The following UTP20 variants were observed in gnomAD, a reference collection of about 807,000 sequenced individuals.
UTP20 encodes the protein small subunit processome component 20 homolog.
UTP20 carries 164 observed loss-of-function variants against 329.5 expected under a neutral mutation model. The observed-to-expected ratio is 0.50, with a 90% CI of 0.44 to 0.57. The LOEUF (loss-of-function observed/expected upper bound fraction) is 0.57. Ranked by LOEUF, UTP20 falls within the 20% of genes least tolerant of loss-of-function variation. UTP20 has a pLI of 0.00. For missense variants in UTP20, 3,055 were observed against 3,284.2 expected (o/e 0.93, Z 1.71); for synonymous variants, 1,151 against 1,159.3 (o/e 0.99, Z 0.14).
chr12:101,295,583 A>G lies in UTP20; in HGVS notation c.1355A>G (p.Asn452Ser). The part of the protein sequence containing the change: ...ALAILAKLIL[N>S]KAAPPTAGSM... The stretch of plus-strand genomic sequence containing the variant: ...GCCATTCTGGCCAAGCTCATTCTGA[A>G]CAAAGCAGCACCTCCCACTGCTGGC... The change falls in exon 12 of 62, where the codon AAC becomes AGC. Residue 452 changes from asparagine to serine, a missense_variant. Coordinates refer to ENST00000261637, the MANE Select transcript of UTP20 (RefSeq NM_014503.3). 6.2e-7 allele frequency: 1 copy of G among 1,613,768 alleles called. No homozygotes were observed. Among genetic ancestry groups the G allele is most frequent in the Non-Finnish European group, 8.5e-7 (1 of 1,179,906 alleles).
At chr12:101,367,740 A>G (rs1565806345) in intron 47 of UTP20, 120 bp from the exon 48 acceptor site, 10 of 676,786 alleles carry the variant, frequency 1.5e-5, no homozygotes, top group Non-Finnish European at 2.3e-5. Flanking sequence ...AAAATGTTTT[A>G]TCATTTCTAA....
At chr12:101,329,970 G>A (rs996188046) in intron 27 of UTP20, among the ~76,000 whole-genome samples, 4 of 150,728 alleles carry the variant, frequency 2.7e-5, no homozygotes, top group African/African-American at 7.3e-5. Flanking sequence ...ATTCCAGCAT[G>A]GGCAACAGAG....
intron 2 of UTP20, among the ~76,000 whole-genome samples, chr12:101,283,539 C>T (rs1871863520): frequency 6.6e-6 from 1 of 152,166 alleles, no homozygotes; most frequent in Admixed American, 6.5e-5. Flanking sequence ...CCAGAGTTAC[C>T]TTGCAAAAGG....
intron 2 of UTP20, among the ~76,000 whole-genome samples, chr12:101,282,999 A>G (rs7977358): frequency 0.13 from 19,359 of 152,184 alleles, 2,713 homozygotes; most frequent in East Asian, 0.47. Context: ...AAGGAGCACA[A>G]GGTTGTAAAG....
intron 27 of UTP20, among the ~76,000 whole-genome samples, chr12:101,332,646 G>A (rs930697178): frequency 5.3e-5 from 8 of 152,118 alleles, no homozygotes; most frequent in Non-Finnish European, 1.0e-4. Flanking sequence ...CAGACAAATC[G>A]TATTTCCTCC....
At chr12:101,340,390 C>A in intron 31 of UTP20, 133 bp from the exon 32 acceptor site, 1 of 576,418 alleles carries the variant, frequency 1.7e-6, no homozygotes, top group Non-Finnish European at 3.0e-6. Context: ...TACATGCACA[C>A]ATACTTAAAA....
chr12:101,345,556 T>C lies in UTP20; in HGVS notation c.4608T>C (p.Ser1536=), dbSNP rs1422429712. ...LRKGLKSQTE[S]IQQDYTTILS... Reference sequence around the variant, plus strand: ...TTTTCTCCACTTCATATTTACAGAGTATTCAGCAGGATTATACCACAATAC... The same window carrying C: ...TTTTCTCCACTTCATATTTACAGAGCATTCAGCAGGATTATACCACAATAC... Residue 1536 remains serine (S), a splice_region_variant and synonymous_variant, in exon 37 of 62, where the codon AGT becomes AGC. Coordinates refer to ENST00000261637, the MANE Select transcript of UTP20 (RefSeq NM_014503.3). The C allele has an allele frequency of 6.4e-7, 1 of 1,555,088 alleles. No homozygotes were observed. The highest frequency in any genetic ancestry group is 8.7e-7 in the Non-Finnish European group (1 of 1,145,180).
rs1478004891 is a variant in UTP20 at position 101,356,728 on chromosome 12, C to A, written c.5534+35C>A. ...TTAACAAATTAGAAGTTTAGTGAAA[C>A]TCAAAAATTGGTTCTTTTCTTCCTT... On this transcript the variant is annotated intron_variant, in intron 42 of 61. Transcript: ENST00000261637. 1.9e-6 allele frequency: 3 copies of A among 1,582,486 alleles called. No individual in the cohort carries two copies. The Admixed American group carries it at 5.6e-5, about 30-fold the overall frequency.
Position 101,338,856 on chromosome 12 carries a change from T to A in UTP20, c.3912T>A (p.Pro1304=). 2 of 1,612,032 alleles carry A rather than the reference T, an allele frequency of 1.2e-6. No individual in the cohort carries two copies. Among genetic ancestry groups the A allele is most frequent in the Non-Finnish European group, 1.7e-6 (2 of 1,179,424 alleles). ...GAAGATTAATTCTACCTCATGTACC[T>A]GCAATTCTTCAGTATCTCAGCAAAA... ...IGGRLILPHV[P]AILQYLSKTT... The change falls in exon 31 of 62, where the codon CCT becomes CCA. Residue 1304 remains proline (P), a synonymous_variant. Coordinates refer to ENST00000261637, the MANE Select transcript of UTP20 (RefSeq NM_014503.3).
Position 101,291,758 on chromosome 12 carries a change from T to C in UTP20, c.908T>C (p.Leu303Pro). Residue 303 changes from leucine (L) to proline (P), a missense_variant, in exon 9 of 62, where the codon CTA (leucine) becomes CCA (proline). Transcript: ENST00000261637. ...TGTTTGCAGGAATCGCTCTTGGATC[T>C]ACACACAAAAGTAACAAAAACTAAC... ...FECLQESLLD[L>P]HTKVTKTNCC... 6.3e-7 allele frequency: 1 copy of C among 1,593,936 alleles called. No homozygotes were observed. Among genetic ancestry groups the C allele is most frequent in the African/African-American group, 1.3e-5 (1 of 74,400 alleles).
chr12:101,360,098 G>A (rs1358344714), intron 43 of UTP20, among the ~76,000 whole-genome samples: 1 of 152,152 alleles, frequency 6.6e-6, no homozygotes, highest in South Asian at 2.1e-4. Flanking sequence ...TGTTCTTCAA[G>A]TCTATCCCAT....
chr12:101,311,889 C>G, intron 20 of UTP20, 91 bp downstream of exon 20: 1 of 1,554,370 alleles, frequency 6.4e-7, no homozygotes, highest in Non-Finnish European at 8.7e-7. Context: ...AATTGGAAAA[C>G]AGAGATGAAA....
chr12:101,308,915 C>T (rs551182871), intron 18 of UTP20, among the ~76,000 whole-genome samples: 7 of 151,826 alleles, frequency 4.6e-5, no homozygotes, highest in African/African-American at 1.5e-4. Flanking sequence ...TTGTATTTTT[C>T]GTAGAGATGG....
chr12:101,309,419 A>C (rs1872721795), intron 18 of UTP20, among the ~76,000 whole-genome samples: 1 of 152,154 alleles, frequency 6.6e-6, no homozygotes, highest in Non-Finnish European at 1.5e-5. Flanking sequence ...TGCATTTCTG[A>C]CTGCTGTTGA....
intron 21 of UTP20, among the ~76,000 whole-genome samples, chr12:101,314,850 C>T (rs561711318): frequency 3.9e-5 from 6 of 152,214 alleles, no homozygotes; most frequent in African/African-American, 1.4e-4. Flanking sequence ...CCTATAATCC[C>T]AGCACTTTGA....
chr12:101,349,404 CT>C (rs148469573), intron 38 of UTP20, among the ~76,000 whole-genome samples: 29,476 of 146,700 alleles, frequency 0.2, 3,530 homozygotes, highest in East Asian at 0.38. Context: ...TGAAAATTTT[CT>C]TTTTTTTTCT....
At chr12:101,344,177 G>C (rs1869244242) in intron 35 of UTP20, among the ~76,000 whole-genome samples, 1 of 151,860 alleles carries the variant, frequency 6.6e-6, no homozygotes, top group African/African-American at 2.4e-5. Flanking sequence ...TGCCTGGCTG[G>C]CTGAGTCAAG....
At chr12:101,371,343 A>G (rs1870281116) in intron 51 of UTP20, among the ~76,000 whole-genome samples, 175 bp downstream of exon 51, 1 of 152,032 alleles carries the variant, frequency 6.6e-6, no homozygotes, top group Non-Finnish European at 1.5e-5. Context: ...GGGGACTGAC[A>G]GGCAGGCCAA....
chr12:101,360,596 G>A (rs1315518861), intron 43 of UTP20, among the ~76,000 whole-genome samples: 6 of 152,092 alleles, frequency 3.9e-5, no homozygotes, highest in Non-Finnish European at 5.9e-5. Context: ...AAGCTGAGGC[G>A]GGCAGATCAC....
Sources: gnomAD v4.1 joint callset for allele counts (sites outside exome capture counted in the v4.1 genomes callset) on GRCh38, gnomAD v4.1.1 for gene constraint, MANE v1.5 for transcripts, NCBI Gene and HGNC (gene_info 2026-07-23, HGNC 2026-07-21) for gene names.